ANTXR2: variants seen among roughly 807,000 people sequenced by gnomAD.
ANTXR2 encodes ANTXR cell adhesion molecule 2, also known as anthrax toxin receptor 2.
Under a neutral mutation model 73.7 loss-of-function variants are expected in ANTXR2, and 44 were observed. The ratio of observed to expected loss-of-function variants is 0.60; its 90% confidence interval spans 0.47 to 0.77. The LOEUF is 0.77. ANTXR2 is among the 30% of genes least tolerant of loss of function. ANTXR2 has a pLI of 0.00. For missense variants in ANTXR2, 604 were observed against 592.5 expected (o/e 1.02, Z -0.20); for synonymous variants, 217 against 205.9 (o/e 1.05, Z -0.46).
intron 10 of ANTXR2, among the ~76,000 whole-genome samples, chr4:80,028,096 T>C (rs1310142199): frequency 1.3e-5 from 2 of 152,156 alleles, no homozygotes; most frequent in African/African-American, 4.8e-5. Context: ...ACAACCTCAC[T>C]ACTATGACCA....
In ANTXR2 at chr4:80,055,421, A is replaced by G; in HGVS notation, c.425T>C (p.Ile142Thr). The change falls in exon 5 of 17, where the codon ATC becomes ACC. Residue 142 changes from isoleucine to threonine, a missense_variant. Coordinates refer to ENST00000403729, the MANE Select transcript of ANTXR2 (RefSeq NM_058172.6). ...QKAGGLKTSS[I>T]IIALTDGKLD... is the part of the protein sequence containing the mutation. ...CTTGCCATCTGTCAGAGCAATTATG[A>G]TACTGGAGGTTTTCAAGCCTCCTGC... is the stretch of plus-strand genomic sequence containing the variant. 6.2e-7 allele frequency: 1 copy of G among 1,611,090 alleles called. No homozygotes were observed. Among genetic ancestry groups the G allele is most frequent in the Non-Finnish European group, 8.5e-7 (1 of 1,178,300 alleles).
intron 11 of ANTXR2, among the ~76,000 whole-genome samples, chr4:80,011,006 G>C (rs931113236): frequency 2.6e-5 from 4 of 151,942 alleles, no homozygotes; most frequent in Admixed American, 6.6e-5. Context: ...AATCAGCCAG[G>C]CATGGTGGTG....
intron 3 of ANTXR2, among the ~76,000 whole-genome samples, chr4:80,062,514 A>G (rs548527376): frequency 6.6e-6 from 1 of 152,198 alleles, no homozygotes; most frequent in Admixed American, 6.5e-5. Context: ...CATGTCCATC[A>G]CTAAAATCTG....
At chr4:80,068,617 C>T (rs185909017) in intron 3 of ANTXR2, among the ~76,000 whole-genome samples, 4 of 151,926 alleles carry the variant, frequency 2.6e-5, no homozygotes, top group Non-Finnish European at 5.9e-5. Context: ...TAAAAAAATA[C>T]AAAAATTGGC....
intron 16 of ANTXR2, among the ~76,000 whole-genome samples, chr4:79,945,854 T>C (rs535836485): frequency 2.0e-5 from 3 of 152,224 alleles, no homozygotes; most frequent in African/African-American, 7.2e-5. Context: ...GCCCCAGATA[T>C]GCTCACTGAA....
chr4:80,033,239 A>G (rs1027009887), intron 9 of ANTXR2, among the ~76,000 whole-genome samples: 1 of 152,020 alleles, frequency 6.6e-6, no homozygotes, highest in African/African-American at 2.4e-5. Context: ...CATCTGTTCA[A>G]TGAGGGAAGT....
chr4:80,009,434 T>C (rs919768581), intron 11 of ANTXR2, among the ~76,000 whole-genome samples: 1 of 152,192 alleles, frequency 6.6e-6, no homozygotes, highest in Non-Finnish European at 1.5e-5. Flanking sequence ...TGCAACGAAT[T>C]ATGAATTTTG....
intron 16 of ANTXR2, among the ~76,000 whole-genome samples, chr4:79,974,003 G>A (rs7437543): frequency 0.091 from 13,903 of 152,228 alleles, 738 homozygotes; most frequent in Middle Eastern, 0.23. Context: ...GGTTGGATGG[G>A]TGAATAGATA....
intron 7 of ANTXR2, among the ~76,000 whole-genome samples, chr4:80,047,961 A>T (rs1733598634): frequency 6.6e-6 from 1 of 151,756 alleles, no homozygotes; most frequent in Non-Finnish European, 1.5e-5. Flanking sequence ...ACAGTGAAAC[A>T]TAAATATGAG....
intron 16 of ANTXR2, among the ~76,000 whole-genome samples, chr4:79,923,610 T>C (rs1247960731): frequency 1.3e-5 from 2 of 152,098 alleles, no homozygotes; most frequent in Admixed American, 6.6e-5. Flanking sequence ...GGATGAAATA[T>C]GTATTCTAAG....
chr4:80,027,811 T>A (rs1477928557), intron 10 of ANTXR2, among the ~76,000 whole-genome samples: 1 of 152,170 alleles, frequency 6.6e-6, no homozygotes, highest in Non-Finnish European at 1.5e-5. Context: ...GTGCTATTGT[T>A]GATGTCTCAC....
chr4:79,919,072 C>T (rs574476884), intron 16 of ANTXR2, among the ~76,000 whole-genome samples: 2 of 151,190 alleles, frequency 1.3e-5, no homozygotes, highest in South Asian at 4.2e-4. Context: ...GGAGATAGAA[C>T]ATAGAAGAAA....
chr4:80,033,503 G>T lies in ANTXR2; in HGVS notation c.765C>A (p.Cys255Ter). 1 of 1,601,754 alleles carries T rather than the reference G, an allele frequency of 6.2e-7. No homozygotes were observed. ...MLGSRNGSVL[C>*]TYTVNETYTT... ...TATATGTTTCATTTACAGTGTAAGT[G>T]CAGAGAACACTGCCATTCCGACTGC... Residue 255 changes from cysteine to a stop codon, truncating the protein, a stop_gained, in exon 9 of 17, where the codon TGC (cysteine) becomes TGA (stop). Coordinates refer to ENST00000403729, the MANE Select transcript of ANTXR2 (RefSeq NM_058172.6). LOFTEE classifies it high-confidence loss of function.
At chr4:79,912,640 A>C (rs905047234) in intron 16 of ANTXR2, among the ~76,000 whole-genome samples, 1 of 152,098 alleles carries the variant, frequency 6.6e-6, no homozygotes, top group African/African-American at 2.4e-5. Flanking sequence ...GTCTTTAAAA[A>C]CTTACATTCT....
intron 16 of ANTXR2, among the ~76,000 whole-genome samples, chr4:79,965,958 C>T (rs533879197): frequency 6.6e-6 from 1 of 152,238 alleles, no homozygotes; most frequent in Admixed American, 6.5e-5. Flanking sequence ...CTCAGTTCAA[C>T]GTTTTTCATT....
At chr4:79,983,257 T>C (rs911171315) in intron 14 of ANTXR2, among the ~76,000 whole-genome samples, 2 of 152,152 alleles carry the variant, frequency 1.3e-5, no homozygotes, top group Non-Finnish European at 2.9e-5. Flanking sequence ...TACTAAATAA[T>C]ATATCACTTT....
At chr4:79,915,611 G>C (rs1024767137) in intron 16 of ANTXR2, among the ~76,000 whole-genome samples, 1 of 152,002 alleles carries the variant, frequency 6.6e-6, no homozygotes, top group African/African-American at 2.4e-5. Flanking sequence ...ACAGTAAAGA[G>C]TGTTTCAAAT....
intron 12 of ANTXR2, among the ~76,000 whole-genome samples, chr4:79,994,086 T>C (rs1730611775): frequency 6.6e-6 from 1 of 152,004 alleles, no homozygotes; most frequent in African/African-American, 2.4e-5. Flanking sequence ...ATTCTAAGAA[T>C]TTTAATTAAT....
chr4:79,977,579 T>A (rs1729691737), intron 16 of ANTXR2, 42 bp downstream of exon 16: 1 of 1,552,950 alleles, frequency 6.4e-7, no homozygotes, highest in South Asian at 1.2e-5. Context: ...TTATACTGAC[T>A]CAAGCAGTTA....
Sources: allele counts gnomAD v4.1 joint callset (sites outside exome capture counted in the v4.1 genomes callset), GRCh38; gene constraint gnomAD v4.1.1; transcripts MANE v1.5; gene names NCBI Gene and HGNC (gene_info 2026-07-23, HGNC 2026-07-21).